Variants in PLAC8 observed in about 807,000 individuals in gnomAD.
PLAC8 encodes placenta associated 8.
PLAC8 carries 6 observed loss-of-function variants against 12.6 expected under a neutral mutation model. The observed-to-expected ratio is 0.48, with a 90% confidence interval of 0.26 to 0.94. The LOEUF (loss-of-function observed/expected upper bound fraction) is 0.94, where lower values mean the gene tolerates loss of function less well. Among genes scored for constraint, PLAC8 ranks in the 40% least tolerant of loss-of-function variants. PLAC8 has a pLI of 0.14. For synonymous variants in PLAC8, 54 were observed against 52.6 expected, an observed-to-expected ratio of 1.03 and a Z score of -0.11; for missense variants, 122 against 152.7, an observed-to-expected ratio of 0.80 and a Z score of 1.06.
intron 3 of PLAC8, among the ~76,000 whole-genome samples, chr4:83,102,076 C>G (rs1172858362): frequency 2.0e-5 from 3 of 151,842 alleles, no homozygotes; most frequent in Non-Finnish European, 4.4e-5. Flanking sequence ...TATTCTGCAG[C>G]CAATCAAGGA....
intron 1 of PLAC8, among the ~76,000 whole-genome samples, chr4:83,111,494 TA>T (rs954004347): frequency 8.7e-5 from 13 of 148,818 alleles, no homozygotes; most frequent in African/African-American, 1.7e-4. Context: ...AATAAAAAAA[TA>T]AAAAAAAAGG....
At chr4:83,106,618 A>C (rs1026772324) in intron 2 of PLAC8, among the ~76,000 whole-genome samples, 35 of 142,678 alleles carry the variant, frequency 2.5e-4, no homozygotes, top group African/African-American at 9.5e-4. Context: ...ACTGTGTCTC[A>C]AAAAAAACAA....
At chr4:83,101,705 C>T (rs1252183102) in intron 3 of PLAC8, among the ~76,000 whole-genome samples, 1 of 152,192 alleles carries the variant, frequency 6.6e-6, no homozygotes, top group Non-Finnish European at 1.5e-5. Context: ...GGCTGACTCT[C>T]TTGTTAGGAG....
In PLAC8 at chr4:83,104,627, C is replaced by T. The variant is rs1446860276; in HGVS notation, c.243+269G>A. Reference sequence around the variant, plus strand: ...TGAGATAATACATGTAATGCATCCACGCCACAGTAGATCCTAAATAAGCCT... The same window carrying T: ...TGAGATAATACATGTAATGCATCCATGCCACAGTAGATCCTAAATAAGCCT... On this transcript the variant is annotated intron_variant, in intron 3 of 4. Transcript: ENST00000311507. 4.6e-5 allele frequency among the ~76,000 whole-genome samples: 7 copies of T among 152,280 alleles called. No individual in the cohort carries two copies. The East Asian group carries it at 5.8e-4, about 13-fold the overall frequency.
chr4:83,107,684 AG>A (rs1732291930), intron 2 of PLAC8, 119 bp downstream of exon 2: 1 of 215,466 alleles, frequency 4.6e-6, no homozygotes, highest in Admixed American at 5.5e-5. Flanking sequence ...CCTGACATGC[AG>A]AGTGCTTGTA....
At chr4:83,104,793 C>G in intron 3 of PLAC8, 103 bp downstream of exon 3, 2 of 1,270,484 alleles carry the variant, frequency 1.6e-6, no homozygotes, top group Non-Finnish European at 2.3e-6. Context: ...GAACTCTTAT[C>G]AATCAATTTC....
rs1189249638 is a variant in PLAC8 at position 83,090,345 on chromosome 4, T to C, written c.*636A>G. On this transcript the variant is annotated 3_prime_UTR_variant, in exon 5 of 5. Transcript: ENST00000311507. Reference sequence around the variant, plus strand: ...GAGTTCGAGACCAGCCTGACCAAGATGGTGAAACCCCGTCTCTACTAAAAA... The same window carrying C: ...GAGTTCGAGACCAGCCTGACCAAGACGGTGAAACCCCGTCTCTACTAAAAA... 2.6e-5 allele frequency: 4 copies of C among 151,776 alleles called. No individual in the cohort carries two copies. The highest frequency in any genetic ancestry group is 6.6e-5 in the Admixed American group (1 of 15,222). The allele number at this position is 151,776 out of a possible 1,614,324, so 9.4% of individuals were successfully genotyped here.
intron 1 of PLAC8, among the ~76,000 whole-genome samples, chr4:83,109,573 C>G (rs1185115850): frequency 6.6e-6 from 1 of 152,204 alleles, no homozygotes; most frequent in Non-Finnish European, 1.5e-5. Context: ...GGGTGACGGA[C>G]TAGGCGAACG....
intron 3 of PLAC8, among the ~76,000 whole-genome samples, chr4:83,095,596 C>A (rs1371753336): frequency 6.6e-6 from 1 of 152,090 alleles, no homozygotes; most frequent in Non-Finnish European, 1.5e-5. Flanking sequence ...GGAGAGGGCA[C>A]ATGTGTGTAG....
chr4:83,095,625 T>C (rs1041888189), intron 3 of PLAC8, among the ~76,000 whole-genome samples: 5 of 151,886 alleles, frequency 3.3e-5, no homozygotes, highest in African/African-American at 9.7e-5. Flanking sequence ...GAGGAGAAAA[T>C]AGAACTAAAT....
At chr4:83,110,036 G>T (rs1490960028) in intron 1 of PLAC8, among the ~76,000 whole-genome samples, 1 of 152,120 alleles carries the variant, frequency 6.6e-6, no homozygotes, top group African/African-American at 2.4e-5. Flanking sequence ...CGGGCAGCGG[G>T]CGCGCGGTCT....
Position 83,104,910 on chromosome 4 carries a change from G to A in PLAC8, c.229C>T (p.Arg77Ter), listed in dbSNP as rs760878837. Residue 77 changes from arginine (R) to a stop codon, truncating the protein, a stop_gained, in exon 3 of 5, where the codon CGA becomes TGA. Transcript: ENST00000311507. LOFTEE classifies it high-confidence loss of function. ...AAGAGACTCACAGGGATGCCATATCGGGTCCTGTAGAGAGTCCTCATTGCG... is the reference window on the plus strand; with the variant it reads ...AAGAGACTCACAGGGATGCCATATCAGGTCCTGTAGAGAGTCCTCATTGCG... ...SVAMRTLYRT[R>*]YGIPGSICDD... 13 of 1,613,858 alleles carry A rather than the reference G, an allele frequency of 8.1e-6. No individual in the cohort carries two copies. The highest frequency in any genetic ancestry group is 3.3e-5 in the South Asian group (3 of 91,058).
intron 2 of PLAC8, among the ~76,000 whole-genome samples, chr4:83,106,049 G>A (rs1377839991): frequency 3.3e-5 from 5 of 151,422 alleles, no homozygotes; most frequent in East Asian, 3.9e-4. Context: ...ATGCAGCCTC[G>A]AGTGCAATGG....
intron 3 of PLAC8, among the ~76,000 whole-genome samples, chr4:83,099,780 AG>A (rs1261040172): frequency 6.6e-6 from 1 of 151,370 alleles, no homozygotes; most frequent in African/African-American, 2.4e-5. Context: ...GGCGGATCAC[AG>A]GGTCAAGAAA....
At chr4:83,113,230 G>A (rs1456935040) in intron 1 of PLAC8, among the ~76,000 whole-genome samples, 1 of 152,202 alleles carries the variant, frequency 6.6e-6, no homozygotes, top group Non-Finnish European at 1.5e-5. Context: ...ACACGGCTTG[G>A]TGAGCACGTA....
Position 83,102,679 on chromosome 4 carries a change from A to C in PLAC8, c.243+2217T>G, listed in dbSNP as rs140920883. ...ACTTCAGTAGAGAAAGTAACTACAGATGTGGTAGAAATAGCAAGAGAACTA... is the reference window on the plus strand; with the variant it reads ...ACTTCAGTAGAGAAAGTAACTACAGCTGTGGTAGAAATAGCAAGAGAACTA... On this transcript the variant is annotated intron_variant, in intron 3 of 4. Coordinates refer to ENST00000311507, the MANE Select transcript of PLAC8 (RefSeq NM_016619.3). 4.4e-3 allele frequency among the ~76,000 whole-genome samples: 666 copies of C among 152,338 alleles called. 4 individuals are homozygous for C. Among genetic ancestry groups the C allele is most frequent in the African/African-American group, 0.015 (627 of 41,568 alleles).
At chr4:83,094,030 A>G (rs1404964505) in intron 4 of PLAC8, 1 of 152,224 alleles carries the variant, frequency 6.6e-6, no homozygotes, top group African/African-American at 2.4e-5. Context: ...CATACTTAAT[A>G]TATATTCTAC....
At chr4:83,101,109 G>A (rs560078785) in intron 3 of PLAC8, among the ~76,000 whole-genome samples, 3 of 152,306 alleles carry the variant, frequency 2.0e-5, no homozygotes, top group African/African-American at 7.2e-5. Context: ...GCTGGGCGTG[G>A]TGGCTCATGC....
chr4:83,104,395 A>T (rs1235571879), intron 3 of PLAC8, among the ~76,000 whole-genome samples: 2 of 152,192 alleles, frequency 1.3e-5, no homozygotes. Context: ...TAATGCACTT[A>T]GGAGGACTCT....
Sources: allele counts gnomAD v4.1 joint callset (sites outside exome capture counted in the v4.1 genomes callset), GRCh38; gene constraint gnomAD v4.1.1; transcripts MANE v1.5; gene names NCBI Gene and HGNC (gene_info 2026-07-23, HGNC 2026-07-21).